MAPK10: variants seen among roughly 807,000 people sequenced by gnomAD.
MAPK10 encodes the protein mitogen-activated protein kinase 10.
In MAPK10, 25 loss-of-function variants were observed where a neutral mutation model predicts 59.3. The ratio of observed to expected loss-of-function variants is 0.42; its 90% CI spans 0.31 to 0.59. The LOEUF is 0.59. Among genes scored for constraint, MAPK10 ranks in the 20% least tolerant of loss-of-function variants. MAPK10 has a pLI of 0.15. For synonymous variants in MAPK10, 190 were observed against 200.5 expected (o/e 0.95, Z 0.44); for missense variants, 351 against 568.9 (o/e 0.62, Z 3.90).
chr4:86,198,774 T>C (rs1375127757), intron 2 of MAPK10, among the ~76,000 whole-genome samples: 2 of 151,624 alleles, frequency 1.3e-5, no homozygotes. Context: ...TGATAATTAG[T>C]ATAAAAAGTA....
At chr4:86,195,221 T>C (rs2081006002) in intron 2 of MAPK10, among the ~76,000 whole-genome samples, 3 of 152,178 alleles carry the variant, frequency 2.0e-5, no homozygotes, top group African/African-American at 4.8e-5. Flanking sequence ...ATAAATTGTT[T>C]TGAGTTCAAT....
chr4:86,545,567 C>T (rs1236360280), intron 1 of MAPK10, among the ~76,000 whole-genome samples: 1 of 152,150 alleles, frequency 6.6e-6, no homozygotes, highest in East Asian at 1.9e-4. Flanking sequence ...GTATTGATAG[C>T]ATTGTGTGTA....
intron 2 of MAPK10, among the ~76,000 whole-genome samples, chr4:86,196,777 T>G (rs535460403): frequency 5.3e-5 from 8 of 152,340 alleles, no homozygotes; most frequent in African/African-American, 1.9e-4. Flanking sequence ...TTTCTGCATA[T>G]GGCTAGCCAG....
chr4:86,150,982 G>T (rs1327021523), intron 4 of MAPK10, among the ~76,000 whole-genome samples: 2 of 152,168 alleles, frequency 1.3e-5, no homozygotes, highest in African/African-American at 4.8e-5. Context: ...TGTTTGAGGG[G>T]TAGGCACATT....
chr4:86,142,404 T>C (rs1208610808), intron 4 of MAPK10, among the ~76,000 whole-genome samples: 1 of 152,132 alleles, frequency 6.6e-6, no homozygotes, highest in Admixed American at 6.5e-5. Flanking sequence ...GAGCTATCCA[T>C]TTACATTCTA....
intron 4 of MAPK10, among the ~76,000 whole-genome samples, chr4:86,140,901 A>G (rs981286809): frequency 2.0e-4 from 30 of 152,156 alleles, no homozygotes; most frequent in African/African-American, 6.8e-4. Flanking sequence ...CAAAGTGTCA[A>G]AAGCACTGTG....
At chr4:86,174,171 C>T (rs182102789) in intron 3 of MAPK10, among the ~76,000 whole-genome samples, 12,903 of 152,086 alleles carry the variant, frequency 0.085, 1,214 homozygotes, top group African/African-American at 0.23. Context: ...TACATGCACA[C>T]ATATGTTTAT....
chr4:86,238,861 C>T (rs796520284), intron 2 of MAPK10, among the ~76,000 whole-genome samples: 12 of 152,196 alleles, frequency 7.9e-5, no homozygotes, highest in Admixed American at 2.0e-4. Context: ...CAGATTGCCC[C>T]GGCCAGAACT....
At chr4:86,425,286 T>C (rs900641079) in intron 1 of MAPK10, among the ~76,000 whole-genome samples, 10 of 152,332 alleles carry the variant, frequency 6.6e-5, no homozygotes, top group African/African-American at 2.4e-4. Context: ...AGAATAGTAG[T>C]ACCAACATTA....
chr4:86,154,527 T>C (rs57048696), intron 4 of MAPK10, among the ~76,000 whole-genome samples: 2,236 of 152,236 alleles, frequency 0.015, 54 homozygotes, highest in African/African-American at 0.051. Flanking sequence ...CTAGGTTACA[T>C]GTGCTGACCT....
intron 2 of MAPK10, among the ~76,000 whole-genome samples, chr4:86,309,883 A>G (rs535979416): frequency 6.6e-6 from 1 of 152,310 alleles, no homozygotes; most frequent in East Asian, 1.9e-4. Flanking sequence ...GCACTACACC[A>G]CTATCCTTTG....
chr4:86,297,192 T>A (rs1275981319), intron 2 of MAPK10, among the ~76,000 whole-genome samples: 3 of 152,236 alleles, frequency 2.0e-5, no homozygotes, highest in African/African-American at 7.2e-5. Context: ...TAATTGAATG[T>A]TGTTAATTTG....
intron 1 of MAPK10, among the ~76,000 whole-genome samples, chr4:86,428,200 G>C (rs1016216224): frequency 2.0e-5 from 3 of 151,806 alleles, no homozygotes; most frequent in Non-Finnish European, 4.4e-5. Context: ...GAGCAGCAAA[G>C]TGGTACAATA....
chr4:86,114,574 A>G (rs1484636272), intron 4 of MAPK10, among the ~76,000 whole-genome samples: 1 of 152,212 alleles, frequency 6.6e-6, no homozygotes, highest in Non-Finnish European at 1.5e-5. Context: ...GCTCCATACC[A>G]GAGGGGCACT....
In MAPK10 at chr4:86,461,013, T is replaced by A. The variant is rs369215042; in HGVS notation, c.-262-106369A>T. ...TAGCACCACTGGGTTAGGGTCTCCA[T>A]GACCGAGCTGGTCTCAGCAAATGAT... On this transcript the variant is annotated intron_variant, in intron 1 of 4. Transcript: ENST00000502302. 4.5e-4 allele frequency among the ~76,000 whole-genome samples: 69 copies of A among 152,292 alleles called. 1 individual carries two copies. The East Asian group carries it at 0.012, about 26-fold the overall frequency.
intron 3 of MAPK10, chr4:86,192,624 G>A (rs2080214535): frequency 1.3e-5 from 2 of 151,912 alleles, no homozygotes; most frequent in Non-Finnish European, 2.9e-5. Context: ...AGCTCCATCA[G>A]GTCATTTATG....
At chr4:86,566,181 A>G (rs1489347130) in intron 1 of MAPK10, among the ~76,000 whole-genome samples, 3 of 152,182 alleles carry the variant, frequency 2.0e-5, no homozygotes, top group Non-Finnish European at 4.4e-5. Context: ...TTCACTTGGT[A>G]TACGGCATAT....
At chr4:86,104,796 A>G (rs937798340) in intron 5 of MAPK10, among the ~76,000 whole-genome samples, 6 of 152,030 alleles carry the variant, frequency 3.9e-5, no homozygotes, top group Non-Finnish European at 7.4e-5. Flanking sequence ...GTATGTTCTT[A>G]TTTTCCCTTT....
rs180854047 is a variant in MAPK10, at chr4:86,559,659, G to A, written c.-263+34251C>T. On this transcript the variant is annotated intron_variant, in intron 1 of 4. Transcript: ENST00000502302. ...CTTAATAGTCACTCACCGGCCAGGC[G>A]TGGTGGCTCATGCCTCTAATCCCAG... Among the ~76,000 whole-genome samples the A allele has an allele frequency of 4.3e-4, 66 of 152,120 alleles. 1 individual carries two copies. Among genetic ancestry groups the A allele is most frequent in the Admixed American group, 2.8e-3 (43 of 15,280 alleles).
Sources: gnomAD v4.1 joint callset for allele counts (sites outside exome capture counted in the v4.1 genomes callset) on GRCh38, gnomAD v4.1.1 for gene constraint, MANE v1.5 for transcripts, NCBI Gene and HGNC (gene_info 2026-07-23, HGNC 2026-07-21) for gene names.